Variants in ANKRD30B observed in about 807,000 individuals in gnomAD.
The protein encoded by ANKRD30B is ankyrin repeat domain-containing protein 30B.
In ANKRD30B, 144 loss-of-function variants were observed where a neutral mutation model predicts 202.2. That is an observed-to-expected ratio of 0.71 (90% CI 0.62 to 0.82). The LOEUF is 0.82. Ranked by LOEUF, ANKRD30B falls within the 40% of genes least tolerant of loss-of-function variation. ANKRD30B has a pLI of 0.00. For synonymous variants in ANKRD30B, 508 were observed against 561.3 expected (o/e 0.91, Z 1.34); for missense variants, 1,487 against 1,669.1 (o/e 0.89, Z 1.90).
intron 39 of ANKRD30B, among the ~76,000 whole-genome samples, chr18:14,844,546 G>A (rs537628004): frequency 6.6e-6 from 1 of 152,304 alleles, no homozygotes; most frequent in Non-Finnish European, 1.5e-5. Flanking sequence ...ATAAACATAT[G>A]TGTGCGTGTG....
intron 28 of ANKRD30B, among the ~76,000 whole-genome samples, chr18:14,811,403 G>A (rs990052844): frequency 6.6e-6 from 1 of 150,766 alleles, no homozygotes; most frequent in African/African-American, 2.4e-5. Context: ...AGTAGAAACG[G>A]GGTTTCACCA....
the ANKRD30B span, among the ~76,000 whole-genome samples, chr18:14,890,809 C>T: frequency 0.42 from 62,298 of 149,326 alleles, 13,798 homozygotes; most frequent in East Asian, 0.59. Flanking sequence ...CATGAAAAGA[C>T]CATTTAAAAC....
intron 15 of ANKRD30B, among the ~76,000 whole-genome samples, chr18:14,791,090 A>G (rs889980897): frequency 5.3e-5 from 8 of 152,134 alleles, no homozygotes; most frequent in African/African-American, 1.9e-4. Context: ...GTCTATTCAG[A>G]GATTCAACTT....
intron 7 of ANKRD30B, among the ~76,000 whole-genome samples, chr18:14,768,248 T>A (rs1388834302): frequency 6.6e-6 from 1 of 152,196 alleles, no homozygotes; most frequent in Non-Finnish European, 1.5e-5. Flanking sequence ...TATGGAAGTG[T>A]TTGGAGGCTG....
chr18:14,834,110 C>A (rs577566694), intron 34 of ANKRD30B, among the ~76,000 whole-genome samples: 3 of 152,076 alleles, frequency 2.0e-5, no homozygotes, highest in Non-Finnish European at 4.4e-5. Flanking sequence ...TAGAAACAAC[C>A]TATACCATTT....
chr18:14,861,117 T>G, the ANKRD30B span, among the ~76,000 whole-genome samples: 1 of 152,112 alleles, frequency 6.6e-6, no homozygotes, highest in Non-Finnish European at 1.5e-5. Flanking sequence ...CTAAAAGAAA[T>G]GTTTAAAGGA....
intron 33 of ANKRD30B, among the ~76,000 whole-genome samples, chr18:14,829,269 ATTG>A (rs1183177612): frequency 6.6e-6 from 1 of 152,194 alleles, no homozygotes; most frequent in Non-Finnish European, 1.5e-5. Context: ...TCCTGGAAAA[ATTG>A]TTGTTCACAT....
chr18:14,922,423 A>G, the ANKRD30B span, among the ~76,000 whole-genome samples: 1 of 152,066 alleles, frequency 6.6e-6, no homozygotes, highest in South Asian at 2.1e-4. Context: ...TGGGAGGCCG[A>G]GGCAGGTGGA....
At chr18:14,892,742 C>CAAAAAAAAAAAAA in the ANKRD30B span, among the ~76,000 whole-genome samples, 9 of 72,892 alleles carry the variant, frequency 1.2e-4, no homozygotes, top group South Asian at 7.2e-4. Context: ...TCTGTTTCAC[C>CAAAAAAAAAAAAA]AAAAAAAAAA....
chr18:14,797,208 A>AC (rs1032939622), intron 18 of ANKRD30B, among the ~76,000 whole-genome samples: 15 of 151,720 alleles, frequency 9.9e-5, no homozygotes, highest in East Asian at 5.8e-4. Context: ...ATGGACAGGT[A>AC]CCCCCCCATG....
Position 14,764,002 on chromosome 18 carries a change from A to G in ANKRD30B, c.1137A>G (p.Thr379=), listed in dbSNP as rs1212891781. 15 of 1,579,172 alleles carry G rather than the reference A, an allele frequency of 9.5e-6. No homozygotes were observed. In the Middle Eastern group the frequency reaches 1.0e-3, roughly 107 times the overall value. Residue 379 remains threonine (T), a synonymous_variant, in exon 7 of 44, where the codon ACA becomes ACG. Coordinates refer to ENST00000690538, the MANE Select transcript of ANKRD30B (RefSeq NM_001367607.2). ...AGACTGAATGCGTGGCAGGAGTAACACCTAATAAAACTGAAGTTTTGGAAA... is the reference window on the plus strand; with the variant it reads ...AGACTGAATGCGTGGCAGGAGTAACGCCTAATAAAACTGAAGTTTTGGAAA... ...SVKTECVAGV[T]PNKTEVLEKG...
intron 39 of ANKRD30B, among the ~76,000 whole-genome samples, chr18:14,846,179 C>T (rs938427638): frequency 9.2e-5 from 14 of 151,846 alleles, no homozygotes; most frequent in African/African-American, 2.9e-4. Context: ...GTTGTAGATG[C>T]ATTTTACAAT....
intron 39 of ANKRD30B, among the ~76,000 whole-genome samples, chr18:14,847,050 T>TTATATGTGTATA (rs1421555010): frequency 3.6e-5 from 4 of 111,104 alleles, no homozygotes; most frequent in African/African-American, 3.2e-5. Context: ...TGATTTAGTT[T>TTATATGTGTATA]TATATATATA....
In ANKRD30B at chr18:14,833,341, C is replaced by T. The variant is rs185004019; in HGVS notation, c.2847+1886C>T. ...GGGCTCACTTGCAAGCCCCACCTCC[C>T]GGGTTCACACCATTCTCCTGCCTCA... On this transcript the variant is annotated intron_variant, in intron 34 of 43. Coordinates refer to ENST00000690538, the MANE Select transcript of ANKRD30B (RefSeq NM_001367607.2). Among the ~76,000 whole-genome samples the T allele has an allele frequency of 1.9e-3, 284 of 152,022 alleles. 3 individuals carry two copies. The highest frequency in any genetic ancestry group is 6.6e-3 in the African/African-American group (273 of 41,472).
At chr18:14,867,701 C>A in the ANKRD30B span, among the ~76,000 whole-genome samples, 1 of 152,202 alleles carries the variant, frequency 6.6e-6, no homozygotes, top group African/African-American at 2.4e-5. Context: ...TGAGTTTCTG[C>A]TATTCTTGCT....
the ANKRD30B span, among the ~76,000 whole-genome samples, chr18:14,924,004 CTG>C: frequency 6.6e-6 from 1 of 152,162 alleles, no homozygotes; most frequent in African/African-American, 2.4e-5. Context: ...TCCATGTACT[CTG>C]TGCTTATATG....
chr18:14,837,128 A>G, intron 34 of ANKRD30B, 83 bp from the exon 35 acceptor site: 1 of 804,938 alleles, frequency 1.2e-6, no homozygotes, highest in Non-Finnish European at 2.0e-6. Context: ...TCTTTCTGAC[A>G]AATTGATTGA....
intron 41 of ANKRD30B, among the ~76,000 whole-genome samples, chr18:14,851,201 A>G (rs972692632): frequency 6.8e-6 from 1 of 146,112 alleles, no homozygotes; most frequent in Non-Finnish European, 1.5e-5. Context: ...TTAATCTTTT[A>G]TTTTATGCTT....
At chr18:14,776,258 C>T (rs1442298142) in intron 9 of ANKRD30B, among the ~76,000 whole-genome samples, 1 of 152,020 alleles carries the variant, frequency 6.6e-6, no homozygotes, top group Non-Finnish European at 1.5e-5. Flanking sequence ...TCTGAATATC[C>T]AAGATGAGGG....
Sources: allele counts gnomAD v4.1 joint callset (sites outside exome capture counted in the v4.1 genomes callset), GRCh38; gene constraint gnomAD v4.1.1; transcripts MANE v1.5; gene names NCBI Gene and HGNC (gene_info 2026-07-23, HGNC 2026-07-21).